The following SYT1 variants were observed in gnomAD, a reference collection of about 807,000 sequenced individuals.
The protein encoded by SYT1 is synaptotagmin 1.
SYT1 carries 8 observed loss-of-function variants against 44.8 expected under a neutral mutation model. The ratio of observed to expected loss-of-function variants is 0.18; its 90% CI spans 0.10 to 0.32. SYT1 has a LOEUF of 0.32. Ranked by LOEUF, SYT1 falls within the 10% of genes least tolerant of loss-of-function variation. SYT1 has a pLI of 1.00. For synonymous variants in SYT1, 154 were observed against 188.8 expected, an observed-to-expected ratio of 0.82 and a Z score of 1.51; for missense variants, 286 against 509.3, an observed-to-expected ratio of 0.56 and a Z score of 4.22.
At position 79,104,785 on chromosome 12, in the gene SYT1, C is replaced by T. The variant is rs1019181283; in HGVS notation, c.-18+57423C>T. Among the ~76,000 whole-genome samples, 3 of 151,824 alleles carry T rather than the reference C, an allele frequency of 2.0e-5. No individual in the cohort carries two copies. In the East Asian group the frequency reaches 5.8e-4, roughly 29 times the overall value. On this transcript the variant is annotated intron_variant, in intron 3 of 10. Coordinates refer to ENST00000261205, the MANE Select transcript of SYT1 (RefSeq NM_005639.3). ...GTTGCTTGAAAGAGTAAGTTGCAAG[C>T]AAACTTGAAAGTTGTTTGAAAGAGG...
At chr12:79,072,823 T>G (rs1876377120) in intron 3 of SYT1, among the ~76,000 whole-genome samples, 1 of 152,138 alleles carries the variant, frequency 6.6e-6, no homozygotes, top group African/African-American at 2.4e-5. Context: ...CAGGCACCGG[T>G]CAAGGTATTG....
At chr12:79,078,039 G>C (rs1565795599) in intron 3 of SYT1, among the ~76,000 whole-genome samples, 1 of 151,964 alleles carries the variant, frequency 6.6e-6, no homozygotes. Flanking sequence ...TACATTTTTG[G>C]TGTTTAAAAC....
At chr12:78,899,667 G>A (rs1020292187) in intron 1 of SYT1, among the ~76,000 whole-genome samples, 1 of 151,356 alleles carries the variant, frequency 6.6e-6, no homozygotes, top group Non-Finnish European at 1.5e-5. Context: ...TTAATGTAGC[G>A]CTTAAAAATA....
chr12:78,875,258 T>C (rs1323392893), intron 1 of SYT1, among the ~76,000 whole-genome samples: 1 of 151,636 alleles, frequency 6.6e-6, no homozygotes, highest in Non-Finnish European at 1.5e-5. Flanking sequence ...TCCTATTATA[T>C]GCCAGGCACC....
chr12:79,054,863 A>G (rs1488172429), intron 3 of SYT1, among the ~76,000 whole-genome samples: 1 of 151,904 alleles, frequency 6.6e-6, no homozygotes, highest in Admixed American at 6.6e-5. Context: ...TTATTTGTCA[A>G]ATGATTCAGT....
intron 4 of SYT1, 46 bp from the exon 5 acceptor site, chr12:79,285,741 A>G (rs1168253023): frequency 1.4e-6 from 2 of 1,441,396 alleles, no homozygotes; most frequent in Non-Finnish European, 1.9e-6. Flanking sequence ...AAGGTTTTCC[A>G]CATCTAAGTG....
chr12:78,896,190 T>A (rs1875347457), intron 1 of SYT1, among the ~76,000 whole-genome samples: 1 of 151,804 alleles, frequency 6.6e-6, no homozygotes, highest in Admixed American at 6.6e-5. Flanking sequence ...ACTGTATTAT[T>A]CTTTCCTACT....
intron 8 of SYT1, among the ~76,000 whole-genome samples, chr12:79,349,045 G>GAAAAAGAAAGAA (rs1555219975): frequency 5.7e-4 from 66 of 115,836 alleles, no homozygotes; most frequent in Middle Eastern, 5.0e-3. Context: ...AAGAAAGAAA[G>GAAAAAGAAAGAA]AAAGAAAGAA....
At chr12:79,430,962 A>G (rs1869740927) in intron 9 of SYT1, among the ~76,000 whole-genome samples, 2 of 152,262 alleles carry the variant, frequency 1.3e-5, no homozygotes, top group African/African-American at 4.8e-5. Context: ...TACCTGGCAC[A>G]TAACAGACAC....
At chr12:78,931,373 GAA>G (rs1491417095) in intron 1 of SYT1, among the ~76,000 whole-genome samples, 4 of 108,396 alleles carry the variant, frequency 3.7e-5, no homozygotes, top group Admixed American at 9.5e-5. Context: ...AGGAAGGAAG[GAA>G]GGAAGGAAGG....
At chr12:79,168,475 T>C (rs1195269131) in intron 3 of SYT1, among the ~76,000 whole-genome samples, 1 of 152,128 alleles carries the variant, frequency 6.6e-6, no homozygotes, top group Non-Finnish European at 1.5e-5. Context: ...CACCCAGCAC[T>C]AAACTTAACT....
At chr12:79,316,381 T>G (rs771234630) in intron 8 of SYT1, among the ~76,000 whole-genome samples, 13 of 152,232 alleles carry the variant, frequency 8.5e-5, no homozygotes, top group African/African-American at 2.4e-4. Flanking sequence ...ATATCAAGAT[T>G]TATCCATTTT....
intron 8 of SYT1, among the ~76,000 whole-genome samples, chr12:79,309,180 G>T (rs987170755): frequency 6.6e-6 from 1 of 152,162 alleles, no homozygotes; most frequent in Non-Finnish European, 1.5e-5. Flanking sequence ...GTGTTCCTGT[G>T]GGGGCACTTT....
At chr12:78,940,668 A>G (rs61929230) in intron 1 of SYT1, among the ~76,000 whole-genome samples, 8,954 of 152,148 alleles carry the variant, frequency 0.059, 289 homozygotes, top group Admixed American at 0.089. Context: ...GGTTACCAGC[A>G]TGAAACACTG....
intron 1 of SYT1, among the ~76,000 whole-genome samples, chr12:78,922,852 A>G (rs973732587): frequency 4.6e-5 from 7 of 151,976 alleles, no homozygotes; most frequent in Non-Finnish European, 1.0e-4. Flanking sequence ...ATGAAGTACT[A>G]TTACTGTTCC....
intron 1 of SYT1, among the ~76,000 whole-genome samples, chr12:78,869,854 T>G (rs1873728861): frequency 1.3e-5 from 2 of 152,096 alleles, no homozygotes; most frequent in African/African-American, 4.8e-5. Flanking sequence ...AAGTTTATCT[T>G]TTTTGGTTAC....
intron 3 of SYT1, among the ~76,000 whole-genome samples, chr12:79,197,157 A>C (rs927892427): frequency 6.6e-6 from 1 of 152,240 alleles, no homozygotes; most frequent in East Asian, 1.9e-4. Flanking sequence ...GGGGAACCCA[A>C]ACATTCAATG....
intron 1 of SYT1, among the ~76,000 whole-genome samples, chr12:78,900,022 A>T (rs1486891356): frequency 6.6e-6 from 1 of 152,064 alleles, no homozygotes; most frequent in Non-Finnish European, 1.5e-5. Context: ...TTATCTTGTA[A>T]TTGTACAGTA....
chr12:78,974,410 AATT>A (rs201614761), intron 1 of SYT1, among the ~76,000 whole-genome samples: 8 of 151,736 alleles, frequency 5.3e-5, no homozygotes, highest in East Asian at 1.9e-4. Flanking sequence ...GTCTTCCGAA[AATT>A]ATTATTATTA....
Sources: gnomAD v4.1 joint callset for allele counts (sites outside exome capture counted in the v4.1 genomes callset) on GRCh38, gnomAD v4.1.1 for gene constraint, MANE v1.5 for transcripts, NCBI Gene and HGNC (gene_info 2026-07-23, HGNC 2026-07-21) for gene names.